LRRTM3: variants seen among roughly 807,000 people sequenced by gnomAD.
LRRTM3 encodes the protein leucine-rich repeat transmembrane neuronal protein 3.
A neutral mutation model predicts 44.7 loss-of-function variants in LRRTM3; 24 were observed. The observed-to-expected ratio is 0.54, with a 90% CI of 0.39 to 0.76. The LOEUF (loss-of-function observed/expected upper bound fraction) is 0.76. Ranked by LOEUF, LRRTM3 falls within the 30% of genes least tolerant of loss-of-function variation. LRRTM3 has a pLI of 0.00. For synonymous variants in LRRTM3, 277 were observed against 278.7 expected, an observed-to-expected ratio of 0.99 and a Z score of 0.06; for missense variants, 587 against 702.2, an observed-to-expected ratio of 0.84 and a Z score of 1.85.
At chr10:67,020,619 C>T (rs1190110284) in intron 2 of LRRTM3, among the ~76,000 whole-genome samples, 1 of 152,094 alleles carries the variant, frequency 6.6e-6, no homozygotes, top group African/African-American at 2.4e-5. Flanking sequence ...TCAAAGATTG[C>T]TTAAGGACAG....
At chr10:66,947,948 C>T (rs1848356940) in intron 2 of LRRTM3, among the ~76,000 whole-genome samples, 2 of 152,152 alleles carry the variant, frequency 1.3e-5, no homozygotes, top group South Asian at 2.1e-4. Context: ...CACACCTAGG[C>T]TATATGGTAT....
chr10:66,969,930 G>C (rs1849626813), intron 2 of LRRTM3, among the ~76,000 whole-genome samples: 1 of 151,982 alleles, frequency 6.6e-6, no homozygotes, highest in African/African-American at 2.4e-5. Context: ...TGAACCTCAG[G>C]ATTACTACAT....
At chr10:67,010,965 TAATA>T (rs1349402296) in intron 2 of LRRTM3, among the ~76,000 whole-genome samples, 2 of 152,178 alleles carry the variant, frequency 1.3e-5, no homozygotes, top group South Asian at 2.1e-4. Flanking sequence ...AACTATAATA[TAATA>T]GAGAATCTAC....
chr10:66,978,552 A>AAAAAAAAAAAATATATATATATATAT, intron 2 of LRRTM3, among the ~76,000 whole-genome samples: 1 of 37,866 alleles, frequency 2.6e-5, no homozygotes. Flanking sequence ...AAAAAAAAAA[A>AAAAAAAAAAAATATATATATATATAT]ATATATATAT....
chr10:66,974,683 CT>C (rs757640013), intron 2 of LRRTM3, among the ~76,000 whole-genome samples: 1 of 152,032 alleles, frequency 6.6e-6, no homozygotes, highest in Non-Finnish European at 1.5e-5. Context: ...TAATATGTGA[CT>C]TTTTGTTTTT....
intron 2 of LRRTM3, among the ~76,000 whole-genome samples, chr10:67,009,973 T>G (rs1021282761): frequency 6.6e-6 from 1 of 152,204 alleles, no homozygotes; most frequent in Non-Finnish European, 1.5e-5. Context: ...CATTCTAGTA[T>G]AGATTCTTCT....
At chr10:66,992,408 C>T (rs76422332) in intron 2 of LRRTM3, among the ~76,000 whole-genome samples, 2,048 of 152,116 alleles carry the variant, frequency 0.013, 49 homozygotes, top group African/African-American at 0.046. Flanking sequence ...CCTCCTCCTC[C>T]TCCTCCACTC....
chr10:66,928,941 G>T (rs1043259596), intron 2 of LRRTM3, among the ~76,000 whole-genome samples: 23 of 152,154 alleles, frequency 1.5e-4, no homozygotes, highest in African/African-American at 5.1e-4. Flanking sequence ...TTACAGACAG[G>T]CAGAGCCTTT....
chr10:67,094,327 C>T (rs1013352658), intron 2 of LRRTM3, among the ~76,000 whole-genome samples: 1 of 151,726 alleles, frequency 6.6e-6, no homozygotes, highest in African/African-American at 2.4e-5. Flanking sequence ...ATAGCATAGC[C>T]TTTTAATGTC....
chr10:67,033,333 A>G (rs1438196919), intron 2 of LRRTM3, among the ~76,000 whole-genome samples: 6 of 152,166 alleles, frequency 3.9e-5, no homozygotes. Context: ...CACATCTTCC[A>G]TCAAACTGTG....
At chr10:66,957,606 T>C (rs1212285661) in intron 2 of LRRTM3, among the ~76,000 whole-genome samples, 1 of 151,532 alleles carries the variant, frequency 6.6e-6, no homozygotes, top group Non-Finnish European at 1.5e-5. Flanking sequence ...CTGGATTCTG[T>C]CAGGAAACAG....
intron 2 of LRRTM3, among the ~76,000 whole-genome samples, chr10:66,978,851 C>G (rs1264338233): frequency 6.6e-6 from 1 of 150,466 alleles, no homozygotes; most frequent in African/African-American, 2.4e-5. Flanking sequence ...TTATTATTAA[C>G]TGTATTTTAT....
chr10:67,060,820 G>T (rs1050482987), intron 2 of LRRTM3, among the ~76,000 whole-genome samples: 3 of 151,696 alleles, frequency 2.0e-5, no homozygotes, highest in African/African-American at 7.3e-5. Context: ...ACAAATGGTT[G>T]TGTACATATA....
chr10:67,031,270 G>A (rs1853710198), intron 2 of LRRTM3, among the ~76,000 whole-genome samples: 2 of 152,048 alleles, frequency 1.3e-5, no homozygotes, highest in Non-Finnish European at 2.9e-5. Context: ...AACATCAAAT[G>A]AGGTAGAAAT....
intron 2 of LRRTM3, among the ~76,000 whole-genome samples, chr10:67,039,257 TG>T (rs1301131074): frequency 5.6e-4 from 86 of 152,280 alleles, no homozygotes; most frequent in African/African-American, 2.0e-3. Context: ...TGTATAGAAC[TG>T]TAGCAGCTGT....
rs181643467 is a variant in LRRTM3, at chr10:67,053,377, G to C, written c.1537-44210G>C. The stretch of plus-strand genomic sequence containing the variant: ...ATAGAAGAAGTTGGAATTTTTTTAA[G>C]AGTATCTCTAGTAATTCTTATTTTC... On this transcript the variant is annotated intron_variant, in intron 2 of 2. Coordinates refer to ENST00000361320, the MANE Select transcript of LRRTM3 (RefSeq NM_178011.5). 2.4e-4 allele frequency among the ~76,000 whole-genome samples: 37 copies of C among 152,254 alleles called. No homozygotes were observed. In the East Asian group the frequency reaches 6.6e-3, roughly 27 times the overall value.
intron 2 of LRRTM3, among the ~76,000 whole-genome samples, chr10:67,056,117 A>G (rs1334054062): frequency 6.6e-6 from 1 of 152,154 alleles, no homozygotes; most frequent in African/African-American, 2.4e-5. Context: ...AGAAAATAAA[A>G]GGGTAGTCTA....
intron 2 of LRRTM3, among the ~76,000 whole-genome samples, chr10:66,930,732 T>C (rs139895797): frequency 1.3e-5 from 2 of 152,298 alleles, no homozygotes; most frequent in African/African-American, 4.8e-5. Flanking sequence ...TAAAATATGA[T>C]ATAACACTAA....
At chr10:67,096,676 C>A (rs1290438705) in intron 2 of LRRTM3, among the ~76,000 whole-genome samples, 1 of 151,688 alleles carries the variant, frequency 6.6e-6, no homozygotes, top group Non-Finnish European at 1.5e-5. Flanking sequence ...ATATTTCAGG[C>A]TCCCCTTTGT....
Sources: allele counts gnomAD v4.1 joint callset (sites outside exome capture counted in the v4.1 genomes callset), GRCh38; gene constraint gnomAD v4.1.1; transcripts MANE v1.5; gene names NCBI Gene and HGNC (gene_info 2026-07-23, HGNC 2026-07-21).